AP3M1: variants seen among roughly 807,000 people sequenced by gnomAD.
AP3M1 encodes the protein adaptor related protein complex 3 subunit mu 1.
In AP3M1, 29 loss-of-function variants were observed where a neutral mutation model predicts 42.6. The observed-to-expected ratio is 0.68, with a 90% CI of 0.51 to 0.93. The LOEUF (loss-of-function observed/expected upper bound fraction) is 0.93, where lower values mean the gene tolerates loss of function less well. Ranked by LOEUF, AP3M1 falls within the 40% of genes least tolerant of loss-of-function variation. AP3M1 has a pLI of 0.00. For missense variants in AP3M1, 416 were observed against 510.2 expected (o/e 0.82, Z 1.78); for synonymous variants, 178 against 175.3 (o/e 1.02, Z -0.12).
chr10:74,136,867 T>C (rs1591754964), intron 2 of AP3M1, 64 bp from the exon 3 acceptor site: 2 of 1,160,312 alleles, frequency 1.7e-6, no homozygotes, highest in East Asian at 5.2e-5. Flanking sequence ...CTAAATACTT[T>C]TTGTTCTGAA....
intron 1 of AP3M1, among the ~76,000 whole-genome samples, chr10:74,141,410 A>C (rs895898367): frequency 3.9e-5 from 6 of 152,178 alleles, no homozygotes; most frequent in African/African-American, 1.4e-4. Flanking sequence ...TGGGTGACAG[A>C]GGGAGACCTT....
intron 6 of AP3M1, 86 bp from the exon 7 acceptor site, chr10:74,126,441 G>C: frequency 9.5e-7 from 1 of 1,056,646 alleles, no homozygotes. Flanking sequence ...GAAAACCTCT[G>C]TCCAGAGTAT....
Position 74,124,384 on chromosome 10 carries a change from AAT to A in AP3M1, c.1150_1151del (p.Ile384PhefsTer16), listed in dbSNP as rs753713525. 6.2e-7 allele frequency: 1 copy of A among 1,605,880 alleles called. No homozygotes were observed. The highest frequency in any genetic ancestry group is 1.3e-5 in the African/African-American group (1 of 74,326). The stretch of plus-strand genomic sequence containing the variant: ...ACAAGTCAACCTTATCCTTACCTGA[AAT>A]AGCAAGCTGCTGGATCTTAAACTGT... ...NIQFKIQQLA[I>X]SGLKVNRLDM... On this transcript the variant is annotated frameshift_variant, in exon 8 of 9. Coordinates refer to ENST00000355264, the MANE Select transcript of AP3M1 (RefSeq NM_012095.6). LOFTEE classifies it high-confidence loss of function.
chr10:74,142,149 C>A (rs1841173046), intron 1 of AP3M1, among the ~76,000 whole-genome samples: 1 of 152,100 alleles, frequency 6.6e-6, no homozygotes, highest in South Asian at 2.1e-4. Context: ...AGTTTATTGT[C>A]CCTGCAATAT....
At chr10:74,150,231 G>A (rs1908330) in intron 1 of AP3M1, 7 of 152,086 alleles carry the variant, frequency 4.6e-5, no homozygotes, top group African/African-American at 1.7e-4. Context: ...TCACACATAA[G>A]GCTGTAAGTT....
intron 1 of AP3M1, among the ~76,000 whole-genome samples, chr10:74,145,574 TA>T (rs1260632420): frequency 6.6e-6 from 1 of 152,228 alleles, no homozygotes; most frequent in Non-Finnish European, 1.5e-5. Flanking sequence ...TAGCTGCAGT[TA>T]TTTTTTTAAT....
At chr10:74,140,576 TA>T (rs1841114363) in intron 1 of AP3M1, among the ~76,000 whole-genome samples, 2 of 151,398 alleles carry the variant, frequency 1.3e-5, no homozygotes, top group Admixed American at 1.3e-4. Context: ...TATGTAGAAT[TA>T]AAAAGATTGA....
chr10:74,141,379 T>C (rs113751087), intron 1 of AP3M1, among the ~76,000 whole-genome samples: 37 of 152,184 alleles, frequency 2.4e-4, no homozygotes, highest in Non-Finnish European at 4.9e-4. Flanking sequence ...TCAACTATGA[T>C]CCCACCACTG....
intron 8 of AP3M1, 51 bp from the exon 9 acceptor site, chr10:74,123,961 T>C (rs769467100): frequency 1.0e-5 from 15 of 1,501,024 alleles, no homozygotes; most frequent in Non-Finnish European, 1.4e-5. Flanking sequence ...CCAACCAATA[T>C]AATGTTAGCA....
At chr10:74,132,371 T>A (rs1840805822) in intron 4 of AP3M1, among the ~76,000 whole-genome samples, 1 of 152,068 alleles carries the variant, frequency 6.6e-6, no homozygotes, top group Admixed American at 6.6e-5. Flanking sequence ...ACGATTCTTA[T>A]AGAGTACTAT....
intron 1 of AP3M1, among the ~76,000 whole-genome samples, chr10:74,140,741 T>C (rs1841120814): frequency 1.3e-5 from 2 of 152,180 alleles, no homozygotes; most frequent in Non-Finnish European, 2.9e-5. Flanking sequence ...ACATTTATGG[T>C]CAACTGATTT....
Position 74,122,025 on chromosome 10 carries a change from C to T in AP3M1, c.*1785G>A, listed in dbSNP as rs1216414113. 6.6e-6 allele frequency: 1 copy of T among 152,164 alleles called. No individual in the cohort carries two copies. Among genetic ancestry groups the T allele is most frequent in the Non-Finnish European group, 1.5e-5 (1 of 68,030 alleles). The allele number at this position is 152,164 out of a possible 1,614,324, so 9.4% of individuals were successfully genotyped here. ...CAGCAGAAAGCAAAGCAAATGTTCTCATTGTTCTTTTGAGGTACGAACTCT... is the reference window on the plus strand; with the variant it reads ...CAGCAGAAAGCAAAGCAAATGTTCTTATTGTTCTTTTGAGGTACGAACTCT... On this transcript the variant is annotated 3_prime_UTR_variant, in exon 9 of 9. Transcript: ENST00000355264.
rs375847452 is a variant in AP3M1, at chr10:74,145,174, A to C, written c.-4+5581T>G. On this transcript the variant is annotated intron_variant, in intron 1 of 8. Transcript: ENST00000355264. ...TGCTCCTTTGCCACAATACACTCTG[A>C]AAGAGTTGCTTGTTTTGAAAGTAAG... Among the ~76,000 whole-genome samples, 34 of 152,350 alleles carry C rather than the reference A, an allele frequency of 2.2e-4. No homozygotes were observed. In the East Asian group the frequency reaches 3.3e-3, roughly 15 times the overall value.
intron 3 of AP3M1, among the ~76,000 whole-genome samples, chr10:74,134,509 A>G (rs1199803714): frequency 6.6e-6 from 1 of 152,244 alleles, no homozygotes; most frequent in East Asian, 1.9e-4. Context: ...CCTTCTGCCA[A>G]TAAAATGTCT....
At chr10:74,128,643 G>T (rs1269686960) in intron 6 of AP3M1, among the ~76,000 whole-genome samples, 1 of 152,056 alleles carries the variant, frequency 6.6e-6, no homozygotes, top group East Asian at 1.9e-4. Flanking sequence ...CTGTCTCCTT[G>T]TTGGCCACAA....
At chr10:74,149,304 T>C (rs987029988) in intron 1 of AP3M1, among the ~76,000 whole-genome samples, 3 of 87,292 alleles carry the variant, frequency 3.4e-5, no homozygotes, top group African/African-American at 9.1e-5. Flanking sequence ...TTTTTTTTTT[T>C]TTCGAGGCAG....
At chr10:74,144,696 T>C (rs553797813) in intron 1 of AP3M1, among the ~76,000 whole-genome samples, 1 of 151,742 alleles carries the variant, frequency 6.6e-6, no homozygotes. Context: ...GGAGTCTTGC[T>C]CTATTGCCCA....
At chr10:74,138,407 A>ATTTAT (rs759253127) in intron 1 of AP3M1, 25 bp from the exon 2 acceptor site, 1 of 1,587,120 alleles carries the variant, frequency 6.3e-7, no homozygotes, top group African/African-American at 1.4e-5. Flanking sequence ...AAAGGTTTAA[A>ATTTAT]TTTATTATAC....
chr10:74,149,156 C>T (rs1042132591), intron 1 of AP3M1, among the ~76,000 whole-genome samples: 1 of 151,802 alleles, frequency 6.6e-6, no homozygotes, highest in Non-Finnish European at 1.5e-5. Context: ...CAGGCATGAG[C>T]CCTACCGTGC....
Sources: gnomAD v4.1 joint callset for allele counts (sites outside exome capture counted in the v4.1 genomes callset) on GRCh38, gnomAD v4.1.1 for gene constraint, MANE v1.5 for transcripts, NCBI Gene and HGNC (gene_info 2026-07-23, HGNC 2026-07-21) for gene names.